NME7: variants seen among roughly 807,000 people sequenced by gnomAD.
NME7 encodes NME/NM23 family member 7, also known as nucleoside diphosphate kinase 7.
NME7 carries 41 observed loss-of-function variants against 49.1 expected under a neutral mutation model. That is an observed-to-expected ratio of 0.83 (90% CI 0.65 to 1.08). The LOEUF is 1.08. Among genes scored for constraint, NME7 ranks in the 50% least tolerant of loss-of-function variants. The pLI, the probability that NME7 is intolerant of heterozygous loss-of-function variation, is 0.00. For synonymous variants in NME7, 139 were observed against 150.6 expected (o/e 0.92, Z 0.56); for missense variants, 423 against 463.4 (o/e 0.91, Z 0.80).
intron 3 of NME7, among the ~76,000 whole-genome samples, chr1:169,312,479 G>A (rs116823350): frequency 1.5e-4 from 23 of 152,272 alleles, no homozygotes; most frequent in Non-Finnish European, 2.6e-4. Flanking sequence ...AAGATGCAGC[G>A]TGAGATATTC....
chr1:169,255,662 T>C (rs1225489076), intron 7 of NME7, among the ~76,000 whole-genome samples: 1 of 127,788 alleles, frequency 7.8e-6, no homozygotes, highest in African/African-American at 2.6e-5. Context: ...CTAGTCTTGA[T>C]GGTCTTTACA....
intron 10 of NME7, among the ~76,000 whole-genome samples, chr1:169,203,224 C>G (rs1351784618): frequency 6.6e-6 from 1 of 152,166 alleles, no homozygotes; most frequent in East Asian, 1.9e-4. Context: ...GGAGGATGAG[C>G]TGGAGCTACC....
At chr1:169,293,911 T>C (rs1236973348) in intron 6 of NME7, among the ~76,000 whole-genome samples, 1 of 152,168 alleles carries the variant, frequency 6.6e-6, no homozygotes, top group Non-Finnish European at 1.5e-5. Flanking sequence ...TTTTGTTCAA[T>C]TTATTCTAGG....
chr1:169,132,947 A>AATC lies in NME7; in HGVS notation c.1099-133_1099-131dup, dbSNP rs869217621. The stretch of plus-strand genomic sequence containing the variant: ...TTCCCAAAGACACTAAAAGTTAATC[A>AATC]ATCAATCAGAGGCAGAGAATCGATG... On this transcript the variant is annotated intron_variant, in intron 11 of 11. Transcript: ENST00000367811. 2.2e-5 allele frequency: 13 copies of AATC among 581,584 alleles called. No individual in the cohort carries two copies. In the East Asian group the frequency reaches 4.4e-4, roughly 20 times the overall value. The allele number at this position is 581,584 out of a possible 1,614,324, so 36.0% of individuals were successfully genotyped here.
At chr1:169,336,705 C>T (rs1652491360) in intron 1 of NME7, among the ~76,000 whole-genome samples, 1 of 151,354 alleles carries the variant, frequency 6.6e-6, no homozygotes, top group African/African-American at 2.4e-5. Flanking sequence ...TCCAAGGCCC[C>T]ACAAGAGCAG....
At chr1:169,232,912 C>CTTTTTTTTTTTTTTTTTTT (rs10545228) in intron 9 of NME7, among the ~76,000 whole-genome samples, 106 of 74,520 alleles carry the variant, frequency 1.4e-3, no homozygotes, top group Admixed American at 1.4e-3. Flanking sequence ...GTTTTCTTTT[C>CTTTTTTTTTTTTTTTTTTT]TTTTTTTTTT....
At chr1:169,353,196 C>T (rs1653244447) in intron 1 of NME7, among the ~76,000 whole-genome samples, 1 of 151,924 alleles carries the variant, frequency 6.6e-6, no homozygotes, top group Non-Finnish European at 1.5e-5. Flanking sequence ...TAAAAACAGA[C>T]ACATAGATCA....
chr1:169,320,098 T>A (rs762820353), intron 3 of NME7, among the ~76,000 whole-genome samples: 13 of 152,184 alleles, frequency 8.5e-5, no homozygotes, highest in Admixed American at 2.0e-4. Flanking sequence ...ATGAAAACTT[T>A]AATTATTTCT....
At chr1:169,356,742 A>C (rs1653480288) in intron 1 of NME7, among the ~76,000 whole-genome samples, 1 of 152,166 alleles carries the variant, frequency 6.6e-6, no homozygotes, top group African/African-American at 2.4e-5. Context: ...CACTAGGCTG[A>C]ACCCTGAAGA....
chr1:169,134,342 A>G (rs1005288755), intron 11 of NME7, among the ~76,000 whole-genome samples: 2 of 152,172 alleles, frequency 1.3e-5, no homozygotes, highest in Non-Finnish European at 2.9e-5. Flanking sequence ...AGTAGATGAC[A>G]TATTTCATGG....
rs572426799 is a variant in NME7 at position 169,298,475 on chromosome 1, C to T, written c.648+81G>A. 49 of 1,392,496 alleles carry T rather than the reference C, an allele frequency of 3.5e-5. No individual in the cohort carries two copies. In the South Asian group the frequency reaches 6.3e-4, roughly 18 times the overall value. 86.3% of individuals were successfully genotyped at this position (1,392,496 alleles called of 1,614,324 possible). On this transcript the variant is annotated intron_variant, in intron 6 of 11. Coordinates refer to ENST00000367811, the MANE Select transcript of NME7 (RefSeq NM_013330.5). ...AGCAGCATAAATCCACCCTAAGTCA[C>T]CAGTGATAGAAATGCTTTCCTTTGA...
In NME7 at chr1:169,166,558, G is replaced by A. The variant is rs114947651; in HGVS notation, c.1098+2889C>T. ...GAGAGGCATACCACATATGAAGTTGGAGAAACTCACTATTACAGATATGAC... is the reference window on the plus strand; with the variant it reads ...GAGAGGCATACCACATATGAAGTTGAAGAAACTCACTATTACAGATATGAC... On this transcript the variant is annotated intron_variant, in intron 11 of 11. Coordinates refer to ENST00000367811, the MANE Select transcript of NME7 (RefSeq NM_013330.5). Among the ~76,000 whole-genome samples, 672 of 152,266 alleles carry A rather than the reference G, an allele frequency of 4.4e-3. 5 individuals are homozygous for A. The highest frequency in any genetic ancestry group is 0.015 in the African/African-American group (632 of 41,546).
intron 10 of NME7, among the ~76,000 whole-genome samples, chr1:169,219,350 C>T (rs569875643): frequency 6.6e-5 from 10 of 152,272 alleles, no homozygotes; most frequent in Admixed American, 6.5e-4. Context: ...TGAATCCACA[C>T]AAATTAAGTG....
intron 1 of NME7, among the ~76,000 whole-genome samples, chr1:169,358,884 T>C (rs1261779335): frequency 1.3e-5 from 2 of 152,126 alleles, no homozygotes; most frequent in Non-Finnish European, 2.9e-5. Flanking sequence ...AAAATGCACA[T>C]GACCTCTCGC....
In NME7 at chr1:169,349,237, T is replaced by C. The variant is rs1200064; in HGVS notation, c.3+18471A>G. On this transcript the variant is annotated intron_variant, in intron 1 of 11. Coordinates refer to ENST00000367811, the MANE Select transcript of NME7 (RefSeq NM_013330.5). ...AAGAGCAGCCTCCTTTTGTTTTTAA[T>C]ATATCCCCTCCAGTCATCGGGACTT... Among the ~76,000 whole-genome samples the C allele has an allele frequency of 5.3e-3, 808 of 152,268 alleles. 2 individuals carry two copies. The highest frequency in any genetic ancestry group is 7.6e-3 in the Non-Finnish European group (516 of 68,016).
chr1:169,335,271 C>A (rs1652416779), intron 1 of NME7, among the ~76,000 whole-genome samples: 1 of 152,128 alleles, frequency 6.6e-6, no homozygotes, highest in African/African-American at 2.4e-5. Flanking sequence ...ATGTTTTCTG[C>A]AGCACTATTT....
chr1:169,143,365 A>G (rs567363419), intron 11 of NME7, among the ~76,000 whole-genome samples: 1 of 146,020 alleles, frequency 6.8e-6, no homozygotes, highest in South Asian at 2.2e-4. Flanking sequence ...AGCAAGTGCT[A>G]TTTTCTCGGC....
chr1:169,181,400 CATAT>C (rs1466562580), intron 10 of NME7, among the ~76,000 whole-genome samples: 1 of 141,954 alleles, frequency 7.0e-6, no homozygotes, highest in Non-Finnish European at 1.5e-5. Flanking sequence ...CACACACACA[CATAT>C]ATACACACAC....
intron 11 of NME7, among the ~76,000 whole-genome samples, chr1:169,155,127 C>T (rs1659030083): frequency 1.3e-5 from 2 of 152,120 alleles, no homozygotes; most frequent in African/African-American, 4.8e-5. Context: ...GATAAAATCA[C>T]CACTCGCAGG....
Sources: gnomAD v4.1 joint callset for allele counts (sites outside exome capture counted in the v4.1 genomes callset) on GRCh38, gnomAD v4.1.1 for gene constraint, MANE v1.5 for transcripts, NCBI Gene and HGNC (gene_info 2026-07-23, HGNC 2026-07-21) for gene names.